The following IFT52 variants were observed in gnomAD, a reference collection of about 807,000 sequenced individuals.
IFT52 encodes the protein intraflagellar transport protein 52 homolog.
IFT52 carries 44 observed loss-of-function variants against 54.4 expected under a neutral mutation model. The observed-to-expected ratio is 0.81, with a 90% CI of 0.63 to 1.04. The LOEUF (loss-of-function observed/expected upper bound fraction) is 1.04, where lower values mean the gene tolerates loss of function less well. Among genes scored for constraint, IFT52 ranks in the 50% least tolerant of loss-of-function variants. IFT52 has a pLI of 0.00. For missense variants in IFT52, 452 were observed against 523.6 expected (o/e 0.86, Z 1.33); for synonymous variants, 181 against 185.3 (o/e 0.98, Z 0.19).
At position 43,637,199 on chromosome 20, in the gene IFT52, T is replaced by G; in HGVS notation, c.1066T>G (p.Leu356Val). The change falls in exon 12 of 14, where the codon TTA becomes GTA. Residue 356 changes from leucine to valine, a missense_variant. Coordinates refer to ENST00000373030, the MANE Select transcript of IFT52 (RefSeq NM_016004.5). Reference sequence around the variant, plus strand: ...ACCTCCTCCTCTGGAGCTATTTGATTTAGATGAAACGTTCTCCTCTGAGAA... The same window carrying G: ...ACCTCCTCCTCTGGAGCTATTTGATGTAGATGAAACGTTCTCCTCTGAGAA... ...LPPPPLELFDLDETFSSEKAR... is the reference protein window; with the variant it reads ...LPPPPLELFDVDETFSSEKAR... 1.2e-6 allele frequency: 2 copies of G among 1,609,162 alleles called. No individual in the cohort carries two copies. The highest frequency in any genetic ancestry group is 1.7e-6 in the Non-Finnish European group (2 of 1,178,452).
intron 7 of IFT52, among the ~76,000 whole-genome samples, chr20:43,614,933 C>G (rs181722731): frequency 1.3e-5 from 2 of 151,920 alleles, no homozygotes; most frequent in East Asian, 3.9e-4. Flanking sequence ...CTCAGCCTCC[C>G]GAGTAGCTGG....
intron 5 of IFT52, 29 bp downstream of exon 5, chr20:43,604,287 G>T: frequency 1.3e-6 from 2 of 1,528,630 alleles, no homozygotes; most frequent in South Asian, 2.2e-5. Context: ...GAAATATCTT[G>T]GCAAGGCATC....
At chr20:43,597,214 A>G (rs190006179) in intron 3 of IFT52, among the ~76,000 whole-genome samples, 2 of 151,810 alleles carry the variant, frequency 1.3e-5, no homozygotes, top group East Asian at 3.9e-4. Flanking sequence ...TCTACTAAAA[A>G]TACAAAATTA....
At position 43,613,853 on chromosome 20, in the gene IFT52, T is replaced by C; in HGVS notation, c.489T>C (p.Ala163=). 1.2e-6 allele frequency: 2 copies of C among 1,613,586 alleles called. No individual in the cohort carries two copies. The highest frequency in any genetic ancestry group is 1.7e-6 in the Non-Finnish European group (2 of 1,179,750). Residue 163 remains alanine, a synonymous_variant, in exon 7 of 14, where the codon GCT becomes GCC. Transcript: ENST00000373030. The stretch of plus-strand genomic sequence containing the variant: ...GTGTTTCTTTAATTTCTTACAGGGC[T>C]CTCACCTTTGTGTATCCTTTTGGTG... ...DEESSGNNAQ[A]LTFVYPFGAT... is the part of the protein sequence containing the mutation.
intron 6 of IFT52, among the ~76,000 whole-genome samples, chr20:43,605,555 T>C (rs1982798125): frequency 1.3e-5 from 2 of 152,064 alleles, no homozygotes; most frequent in South Asian, 4.1e-4. Flanking sequence ...TCAAAAAATA[T>C]ATAGTATGGT....
intron 2 of IFT52, among the ~76,000 whole-genome samples, chr20:43,595,656 C>T (rs567708364): frequency 6.6e-6 from 1 of 152,254 alleles, no homozygotes; most frequent in Non-Finnish European, 1.5e-5. Flanking sequence ...GAGGCTGAAG[C>T]AGGCAGATCA....
At chr20:43,613,511 G>A (rs1039250302) in intron 6 of IFT52, among the ~76,000 whole-genome samples, 3 of 152,148 alleles carry the variant, frequency 2.0e-5, no homozygotes, top group Admixed American at 6.5e-5. Context: ...GCTGAGCACC[G>A]TGGCACACGC....
intron 3 of IFT52, among the ~76,000 whole-genome samples, chr20:43,601,968 A>G (rs1982480681): frequency 6.6e-6 from 1 of 152,130 alleles, no homozygotes; most frequent in South Asian, 2.1e-4. Flanking sequence ...CTAGGGATCA[A>G]AGTCAAATAG....
intron 3 of IFT52, among the ~76,000 whole-genome samples, chr20:43,599,181 G>C (rs1237103766): frequency 1.4e-4 from 22 of 152,172 alleles, no homozygotes. Context: ...GTGGCCTGCA[G>C]AGCAACACTC....
At chr20:43,594,559 G>A (rs1395376529) in intron 1 of IFT52, 134 bp from the exon 2 acceptor site, 7 of 609,318 alleles carry the variant, frequency 1.1e-5, no homozygotes, top group African/African-American at 3.7e-5. Flanking sequence ...TTTGAGAATT[G>A]TAGGAGTTTC....
At chr20:43,592,774 C>T (rs1178137397) in intron 1 of IFT52, among the ~76,000 whole-genome samples, 1 of 152,048 alleles carries the variant, frequency 6.6e-6, no homozygotes, top group Non-Finnish European at 1.5e-5. Flanking sequence ...TACCAGAAGC[C>T]AAATAAACTT....
chr20:43,636,598 T>G lies in IFT52; in HGVS notation c.1012-547T>G, dbSNP rs539544354. ...CTTCAGTTTTGTTTTGTTTTGAAAGTAGTTAAACATTTACCCGCATACCAT... is the reference window on the plus strand; with the variant it reads ...CTTCAGTTTTGTTTTGTTTTGAAAGGAGTTAAACATTTACCCGCATACCAT... On this transcript the variant is annotated intron_variant, in intron 11 of 13. Coordinates refer to ENST00000373030, the MANE Select transcript of IFT52 (RefSeq NM_016004.5). Among the ~76,000 whole-genome samples, 7 of 152,136 alleles carry G rather than the reference T, an allele frequency of 4.6e-5. No individual in the cohort carries two copies. The South Asian group carries it at 8.3e-4, about 18-fold the overall frequency.
At chr20:43,601,993 A>T (rs1982483422) in intron 3 of IFT52, among the ~76,000 whole-genome samples, 1 of 152,088 alleles carries the variant, frequency 6.6e-6, no homozygotes, top group Non-Finnish European at 1.5e-5. Flanking sequence ...TGATCTCTCC[A>T]CTCAAGGAAC....
intron 9 of IFT52, among the ~76,000 whole-genome samples, chr20:43,622,967 A>T (rs1054442364): frequency 6.6e-6 from 1 of 151,888 alleles, no homozygotes; most frequent in South Asian, 2.1e-4. Flanking sequence ...GTCCTTGGCT[A>T]GGGGAGAAGG....
chr20:43,614,461 C>T (rs1983702840), intron 7 of IFT52, among the ~76,000 whole-genome samples: 1 of 151,978 alleles, frequency 6.6e-6, no homozygotes, highest in African/African-American at 2.4e-5. Flanking sequence ...GTCTCGATCT[C>T]CTGACCATCC....
chr20:43,602,712 G>A (rs1306530835), intron 3 of IFT52, among the ~76,000 whole-genome samples: 1 of 152,116 alleles, frequency 6.6e-6, no homozygotes, highest in Non-Finnish European at 1.5e-5. Flanking sequence ...GTTTCACCAT[G>A]TTGGCCAAGC....
chr20:43,616,192 C>T (rs559875539), intron 7 of IFT52, among the ~76,000 whole-genome samples: 2 of 152,078 alleles, frequency 1.3e-5, no homozygotes, highest in South Asian at 2.1e-4. Context: ...AACTGGTTTT[C>T]TCATTACAAA....
chr20:43,640,257 C>T (rs1004825955), intron 12 of IFT52, among the ~76,000 whole-genome samples: 1 of 151,834 alleles, frequency 6.6e-6, no homozygotes, highest in African/African-American at 2.4e-5. Flanking sequence ...GAGTTTGAGA[C>T]CAGCCTGGCC....
chr20:43,615,875 G>T (rs1441896369), intron 7 of IFT52, among the ~76,000 whole-genome samples: 1 of 152,184 alleles, frequency 6.6e-6, no homozygotes, highest in African/African-American at 2.4e-5. Flanking sequence ...CCAGGAGGTT[G>T]CAGTGAGCCG....
Sources: allele counts gnomAD v4.1 joint callset (sites outside exome capture counted in the v4.1 genomes callset), GRCh38; gene constraint gnomAD v4.1.1; transcripts MANE v1.5; gene names NCBI Gene and HGNC (gene_info 2026-07-23, HGNC 2026-07-21).